The following USH2A variants were observed in gnomAD, a reference collection of about 807,000 sequenced individuals.
USH2A encodes the protein usherin, also known as Usher syndrome 2A (autosomal recessive, mild).
USH2A carries 443 observed loss-of-function variants against 538.9 expected under a neutral mutation model. The observed-to-expected ratio is 0.82, with a 90% CI of 0.76 to 0.89. USH2A has a LOEUF of 0.89. USH2A is among the 40% of genes least tolerant of loss of function. The probability of loss-of-function intolerance (pLI) is 0.00; values close to 1 mark genes in which losing one functional copy is unlikely to be tolerated. For missense variants in USH2A, 6,633 were observed against 6,324.8 expected (o/e 1.05, Z -1.65); for synonymous variants, 2,413 against 2,273.5 (o/e 1.06, Z -1.75).
intron 11 of USH2A, among the ~76,000 whole-genome samples, chr1:216,259,985 C>T (rs1029785635): frequency 1.3e-5 from 2 of 151,910 alleles, no homozygotes; most frequent in African/African-American, 2.4e-5. Flanking sequence ...AGTACGAGTG[C>T]AGGCTGATTT....
chr1:215,868,528 T>C (rs1372705445), intron 43 of USH2A, among the ~76,000 whole-genome samples: 1 of 152,224 alleles, frequency 6.6e-6, no homozygotes, highest in East Asian at 1.9e-4. Flanking sequence ...AATGCCTCTT[T>C]TATTTCTGCT....
At chr1:215,990,484 C>A (rs916041746) in intron 35 of USH2A, among the ~76,000 whole-genome samples, 28 of 151,992 alleles carry the variant, frequency 1.8e-4, no homozygotes, top group African/African-American at 6.8e-4. Context: ...TTAGGCTCTG[C>A]GGAGTGAAAG....
chr1:215,951,844 AT>A (rs1293496197), intron 37 of USH2A, among the ~76,000 whole-genome samples: 2 of 150,700 alleles, frequency 1.3e-5, no homozygotes, highest in Admixed American at 6.6e-5. Flanking sequence ...TTGTTGGTTT[AT>A]TTTTTTTATT....
intron 64 of USH2A, among the ~76,000 whole-genome samples, chr1:215,660,650 T>C (rs1039761047): frequency 3.3e-5 from 5 of 152,232 alleles, no homozygotes; most frequent in Non-Finnish European, 7.3e-5. Flanking sequence ...CTTTGTTTTA[T>C]AATTAGTTAA....
chr1:216,379,028 G>A (rs1046866848), intron 3 of USH2A, among the ~76,000 whole-genome samples: 1 of 152,096 alleles, frequency 6.6e-6, no homozygotes, highest in Admixed American at 6.6e-5. Context: ...CTACATCCTA[G>A]TCCCATTCAC....
At chr1:215,779,791 A>C in intron 55 of USH2A, 52 bp downstream of exon 55, 1 of 1,603,634 alleles carries the variant, frequency 6.2e-7, no homozygotes, top group East Asian at 2.2e-5. Context: ...TGCCCCCCTA[A>C]CCACAATGAC....
chr1:215,875,910 A>T (rs1664753460), intron 43 of USH2A, among the ~76,000 whole-genome samples: 1 of 145,062 alleles, frequency 6.9e-6, no homozygotes, highest in South Asian at 2.1e-4. Flanking sequence ...CAATATATAA[A>T]TATATAATAT....
chr1:216,009,490 A>G lies in USH2A; in HGVS notation c.6326-8928T>C, dbSNP rs537842012. ...TGTCATAAAATAGGCAAACGGTCTG[A>G]GGTGCCTGACGTCTAGGCATTCTTT... On this transcript the variant is annotated intron_variant, in intron 32 of 71. Transcript: ENST00000307340. Among the ~76,000 whole-genome samples, 35 of 152,242 alleles carry G rather than the reference A, an allele frequency of 2.3e-4. No individual in the cohort carries two copies. The South Asian group carries it at 7.3e-3, about 32-fold the overall frequency.
chr1:215,773,743 G>A (rs569504329), intron 55 of USH2A, among the ~76,000 whole-genome samples: 109 of 152,092 alleles, frequency 7.2e-4, no homozygotes, highest in African/African-American at 2.4e-3. Context: ...GATCCCTTTC[G>A]GAGCATCTCT....
At chr1:216,264,078 A>G (rs1348865590) in intron 11 of USH2A, among the ~76,000 whole-genome samples, 1 of 152,152 alleles carries the variant, frequency 6.6e-6, no homozygotes, top group African/African-American at 2.4e-5. Flanking sequence ...AAGGAAAACT[A>G]TAAAACTTAT....
chr1:216,066,941 C>T (rs749315845), intron 30 of USH2A, among the ~76,000 whole-genome samples: 1 of 152,136 alleles, frequency 6.6e-6, no homozygotes, highest in Admixed American at 6.5e-5. Context: ...TAAAAGCCTT[C>T]GATGCAGTTA....
chr1:216,277,806 G>T (rs1332979652), intron 11 of USH2A, among the ~76,000 whole-genome samples: 1 of 151,772 alleles, frequency 6.6e-6, no homozygotes, highest in Non-Finnish European at 1.5e-5. Flanking sequence ...TTTAAAAGTG[G>T]AAGTTGTTTT....
intron 9 of USH2A, among the ~76,000 whole-genome samples, chr1:216,304,676 C>A (rs1203446265): frequency 1.3e-5 from 2 of 151,958 alleles, no homozygotes; most frequent in Non-Finnish European, 1.5e-5. Context: ...GTTAGCACCA[C>A]CTTTGCTGTA....
intron 11 of USH2A, among the ~76,000 whole-genome samples, chr1:216,280,672 T>C (rs1206936805): frequency 6.7e-6 from 1 of 150,308 alleles, no homozygotes; most frequent in Non-Finnish European, 1.5e-5. Flanking sequence ...TTTATGCCCC[T>C]CTCAAGATTT....
In USH2A at chr1:215,811,981, G is replaced by GTTTTTTTT. The variant is rs753767378; in HGVS notation, c.9739+1747_9739+1754dup. On this transcript the variant is annotated intron_variant, in intron 49 of 71. Transcript: ENST00000307340. ...AAAACCAACCAAAAAAACCCCTAGGGTTTTTTTTTTTTTTTTTTTTTGAGA... is the reference window on the plus strand; with the variant it reads ...AAAACCAACCAAAAAAACCCCTAGGGTTTTTTTTTTTTTTTTTTTTTTTTTTTTTGAGA... Among the ~76,000 whole-genome samples the GTTTTTTTT allele has an allele frequency of 1.4e-4, 11 of 78,790 alleles. 1 individual carries two copies. Among genetic ancestry groups the GTTTTTTTT allele is most frequent in the African/African-American group, 4.2e-4 (8 of 19,230 alleles). 51.7% of individuals were successfully genotyped at this position (78,790 alleles called of 152,430 possible). A position where few individuals can be genotyped will look rare whatever the true frequency, so the allele number is the denominator to read the frequency against.
At chr1:216,257,004 CAT>C (rs760923654) in intron 11 of USH2A, among the ~76,000 whole-genome samples, 16 of 152,052 alleles carry the variant, frequency 1.1e-4, no homozygotes, top group African/African-American at 1.7e-4. Context: ...TTTACTTACA[CAT>C]GTTATAAAAC....
chr1:215,949,077 G>A (rs1011353978), intron 37 of USH2A, among the ~76,000 whole-genome samples: 4 of 151,970 alleles, frequency 2.6e-5, no homozygotes, highest in Non-Finnish European at 5.9e-5. Flanking sequence ...CCTAGAGCTG[G>A]AGAAATTGCC....
intron 11 of USH2A, among the ~76,000 whole-genome samples, chr1:216,266,117 T>G (rs1017018726): frequency 9.9e-5 from 15 of 152,136 alleles, no homozygotes; most frequent in African/African-American, 3.1e-4. Flanking sequence ...TTACACTGAT[T>G]TGATACTCAC....
At chr1:215,689,558 G>T (rs1356801058) in intron 61 of USH2A, among the ~76,000 whole-genome samples, 1 of 152,116 alleles carries the variant, frequency 6.6e-6, no homozygotes, top group Non-Finnish European at 1.5e-5. Context: ...CAAAACTCTA[G>T]GATGTCACTG....
Sources: gnomAD v4.1 joint callset for allele counts (sites outside exome capture counted in the v4.1 genomes callset) on GRCh38, gnomAD v4.1.1 for gene constraint, MANE v1.5 for transcripts, NCBI Gene and HGNC (gene_info 2026-07-23, HGNC 2026-07-21) for gene names.